The following DIAPH1 variants were observed in gnomAD, a reference collection of about 807,000 sequenced individuals.
DIAPH1 encodes the protein protein diaphanous homolog 1.
DIAPH1 carries 46 observed loss-of-function variants against 140.7 expected under a neutral mutation model. The ratio of observed to expected loss-of-function variants is 0.33; its 90% confidence interval spans 0.26 to 0.42. The LOEUF is 0.42. DIAPH1 is among the 10% of genes least tolerant of loss of function. The probability of loss-of-function intolerance (pLI) is 1.00; values close to 1 mark genes in which losing one functional copy is unlikely to be tolerated. For missense variants in DIAPH1, 1,310 were observed against 1,558.7 expected (o/e 0.84, Z 2.69); for synonymous variants, 565 against 551.6 (o/e 1.02, Z -0.34).
intron 18 of DIAPH1, among the ~76,000 whole-genome samples, chr5:141,556,699 AT>A (rs1321938459): frequency 1.3e-5 from 2 of 151,832 alleles, no homozygotes; most frequent in Non-Finnish European, 2.9e-5. Flanking sequence ...TTATTTATTT[AT>A]TTATTTTTTG....
At chr5:141,575,710 G>A (rs1197945073) in intron 14 of DIAPH1, among the ~76,000 whole-genome samples, 5 of 151,922 alleles carry the variant, frequency 3.3e-5, no homozygotes, top group Non-Finnish European at 7.4e-5. Context: ...AGGGGAATCA[G>A]TTCATTTCCA....
intron 1 of DIAPH1, among the ~76,000 whole-genome samples, chr5:141,605,118 A>G (rs2099900734): frequency 6.6e-6 from 1 of 152,198 alleles, no homozygotes. Flanking sequence ...TCTGAAAAAC[A>G]AAGTATGGGA....
intron 10 of DIAPH1, 75 bp downstream of exon 10, chr5:141,578,440 T>G: frequency 1.3e-6 from 2 of 1,539,036 alleles, no homozygotes; most frequent in Non-Finnish European, 1.8e-6. Context: ...AAAACCAGAA[T>G]TATCCCCGGG....
intron 16 of DIAPH1, among the ~76,000 whole-genome samples, chr5:141,572,684 T>C (rs1368056219): frequency 1.3e-5 from 2 of 150,422 alleles, no homozygotes; most frequent in Non-Finnish European, 2.9e-5. Flanking sequence ...CCTGTAATCC[T>C]AGCTACTCAG....
intron 18 of DIAPH1, among the ~76,000 whole-genome samples, chr5:141,549,723 G>A (rs2099891401): frequency 6.6e-6 from 1 of 151,914 alleles, no homozygotes; most frequent in Non-Finnish European, 1.5e-5. Context: ...CCAATTATTT[G>A]GATATTAAGC....
intron 8 of DIAPH1, among the ~76,000 whole-genome samples, chr5:141,580,055 A>C (rs1397085487): frequency 2.6e-5 from 4 of 152,342 alleles, no homozygotes; most frequent in Middle Eastern, 3.4e-3. Context: ...ATAGCTACTA[A>C]AGATAATAAG....
intron 1 of DIAPH1, among the ~76,000 whole-genome samples, chr5:141,607,923 T>C (rs1025518082): frequency 6.6e-6 from 1 of 152,218 alleles, no homozygotes; most frequent in Non-Finnish European, 1.5e-5. Flanking sequence ...GCAGAGATGT[T>C]AGAAATGATT....
In DIAPH1 at chr5:141,527,594, G is replaced by C. The variant is rs1301019763; in HGVS notation, c.3252C>G (p.Asp1084Glu). The change falls in exon 24 of 28, where the codon GAC becomes GAG. Residue 1084 changes from aspartate (D) to glutamate (E), a missense_variant. Transcript: ENST00000389054. ...ATATGGTCATTTTTTCAACAAACTT[G>C]TCTTTTTCATCTGTGGCAGCTGGGA... ...QNFPAATDEK[D>E]KFVEKMTSFV... 1.3e-6 allele frequency: 2 copies of C among 1,595,112 alleles called. No homozygotes were observed. The highest frequency in any genetic ancestry group is 1.7e-6 in the Non-Finnish European group (2 of 1,170,984).
At chr5:141,615,437 G>GAA (rs1013629826) in intron 1 of DIAPH1, among the ~76,000 whole-genome samples, 563 of 46,300 alleles carry the variant, frequency 0.012, 5 homozygotes, top group African/African-American at 0.042. Context: ...CTCAGAAAAA[G>GAA]AAAAAAAAAA....
chr5:141,610,282 C>A (rs2099901608), intron 1 of DIAPH1, among the ~76,000 whole-genome samples: 1 of 152,042 alleles, frequency 6.6e-6, no homozygotes, highest in Non-Finnish European at 1.5e-5. Flanking sequence ...CAGGCACCCA[C>A]CACCACACCC....
intron 18 of DIAPH1, among the ~76,000 whole-genome samples, chr5:141,538,064 TG>T: frequency 7.7e-6 from 1 of 129,442 alleles, no homozygotes; most frequent in African/African-American, 2.7e-5. Context: ...GCTGTTTTTT[TG>T]TTTTTTTTTT....
At chr5:141,590,207 G>A (rs1035722725) in intron 1 of DIAPH1, among the ~76,000 whole-genome samples, 1 of 152,150 alleles carries the variant, frequency 6.6e-6, no homozygotes, top group Non-Finnish European at 1.5e-5. Flanking sequence ...TGTAAACTGT[G>A]AATGTATACT....
chr5:141,524,262 C>A, intron 26 of DIAPH1, 33 bp from the exon 27 acceptor site: 1 of 1,591,830 alleles, frequency 6.3e-7, no homozygotes. Flanking sequence ...GATGTGAACT[C>A]TTCAGCCAGA....
chr5:141,589,376 A>T (rs540768729), intron 1 of DIAPH1, among the ~76,000 whole-genome samples: 1 of 152,392 alleles, frequency 6.6e-6, no homozygotes, highest in African/African-American at 2.4e-5. Flanking sequence ...TTATTGCTTC[A>T]ACAAACCAGA....
chr5:141,521,869 A>G (rs180969232), intron 27 of DIAPH1, among the ~76,000 whole-genome samples: 11 of 152,292 alleles, frequency 7.2e-5, no homozygotes, highest in Admixed American at 5.2e-4. Context: ...ACTGCACAAA[A>G]AAAATATTAG....
intron 18 of DIAPH1, among the ~76,000 whole-genome samples, chr5:141,544,980 A>G (rs2099890565): frequency 6.6e-6 from 1 of 152,242 alleles, no homozygotes; most frequent in African/African-American, 2.4e-5. Context: ...ATAATTGCCA[A>G]AAACTGGATA....
chr5:141,534,342 C>T lies in DIAPH1; in HGVS notation c.2574G>A (p.Gln858=), dbSNP rs2099888706. 1.2e-6 allele frequency: 2 copies of T among 1,612,154 alleles called. No individual in the cohort carries two copies. The highest frequency in any genetic ancestry group is 3.3e-5 in the Admixed American group (2 of 60,014). Reference sequence around the variant, plus strand: ...GGACCAAGAGATACTCACAGAGATTCTGGGCTGTCTTTGAATCCAACACCT... The same window carrying T: ...GGACCAAGAGATACTCACAGAGATTTTGGGCTGTCTTTGAATCCAACACCT... ...ELKVLDSKTA[Q]NLSIFLGSFR... The change falls in exon 19 of 28, where the codon CAG becomes CAA. Residue 858 remains glutamine, a synonymous_variant. Transcript: ENST00000389054.
intron 3 of DIAPH1, among the ~76,000 whole-genome samples, chr5:141,585,381 T>C (rs2099897370): frequency 6.6e-6 from 1 of 152,198 alleles, no homozygotes; most frequent in South Asian, 2.1e-4. Flanking sequence ...CTGGGGGACC[T>C]TACATAAAGA....
chr5:141,593,874 C>T (rs1009661172), intron 1 of DIAPH1, among the ~76,000 whole-genome samples: 37 of 152,262 alleles, frequency 2.4e-4, no homozygotes, highest in African/African-American at 8.9e-4. Flanking sequence ...GGCTGGAGTG[C>T]AGTGGCATGA....
Sources: gnomAD v4.1 joint callset for allele counts (sites outside exome capture counted in the v4.1 genomes callset) on GRCh38, gnomAD v4.1.1 for gene constraint, MANE v1.5 for transcripts, NCBI Gene and HGNC (gene_info 2026-07-23, HGNC 2026-07-21) for gene names.